The following CHRNA6 variants were observed in gnomAD, a reference collection of about 807,000 sequenced individuals.
The protein encoded by CHRNA6 is cholinergic receptor nicotinic alpha 6 subunit.
A neutral mutation model predicts 40.9 loss-of-function variants in CHRNA6; 31 were observed. The ratio of observed to expected loss-of-function variants is 0.76; its 90% CI spans 0.57 to 1.02. CHRNA6 has a LOEUF of 1.02. Among genes scored for constraint, CHRNA6 ranks in the 50% least tolerant of loss-of-function variants. CHRNA6 has a pLI of 0.00. For synonymous variants in CHRNA6, 222 were observed against 221.3 expected, an observed-to-expected ratio of 1.00 and a Z score of -0.03; for missense variants, 546 against 596.6, an observed-to-expected ratio of 0.92 and a Z score of 0.88.
Position 42,753,134 on chromosome 8 carries a change from C to G in CHRNA6, c.*45G>C. ...TTTCCTTGTGGCAGGGAATGCAGAA[C>G]AAATATGGTGTCTGTAAATTTCTGA... On this transcript the variant is annotated 3_prime_UTR_variant, in exon 6 of 6. Transcript: ENST00000276410. 1.3e-6 allele frequency: 2 copies of G among 1,556,384 alleles called. No individual in the cohort carries two copies. The highest frequency in any genetic ancestry group is 1.7e-6 in the Non-Finnish European group (2 of 1,152,916).
At position 42,755,189 on chromosome 8, in the gene CHRNA6, T is replaced by TC. The variant is rs1816777709; in HGVS notation, c.1353+656_1353+657insG. 2.6e-5 allele frequency among the ~76,000 whole-genome samples: 4 copies of TC among 151,152 alleles called. No individual in the cohort carries two copies. The South Asian group carries it at 8.4e-4, about 32-fold the overall frequency. ...ATGCACCAACACGCCTGCTAATTTT[T>TC]TTTTTTTTTTTGGTAGTTCAGGGTC... On this transcript the variant is annotated intron_variant, in intron 5 of 5. Transcript: ENST00000276410.
At chr8:42,759,387 T>C in intron 2 of CHRNA6, 2 of 384,702 alleles carry the variant, frequency 5.2e-6, no homozygotes, top group Non-Finnish European at 9.8e-6. Flanking sequence ...TTCCGATCTC[T>C]GCAGCCCATA....
rs1817001877 is a variant in CHRNA6, at chr8:42,768,461, A to T, written c.-31T>A. 1 of 1,572,494 alleles carries T rather than the reference A, an allele frequency of 6.4e-7. No individual in the cohort carries two copies. Among genetic ancestry groups the T allele is most frequent in the African/African-American group, 1.3e-5 (1 of 74,108 alleles). On this transcript the variant is annotated 5_prime_UTR_variant, in exon 1 of 6. Transcript: ENST00000276410. ...AAACACACTTGGATTCCTTTTTCCT[A>T]GGCAAAGGATTGTGGAAAACAAAGA...
intron 2 of CHRNA6, among the ~76,000 whole-genome samples, chr8:42,763,623 A>G (rs1209338058): frequency 6.6e-6 from 1 of 152,218 alleles, no homozygotes; most frequent in African/African-American, 2.4e-5. Flanking sequence ...CCCAGTCCAC[A>G]GCAAGAACTT....
chr8:42,767,658 A>C (rs879450258), intron 1 of CHRNA6, among the ~76,000 whole-genome samples: 2 of 152,216 alleles, frequency 1.3e-5, no homozygotes, highest in Admixed American at 6.5e-5. Flanking sequence ...GACAAATTTA[A>C]GGTAAAACAT....
chr8:42,760,136 C>T (rs1816876921), intron 2 of CHRNA6, among the ~76,000 whole-genome samples: 1 of 152,164 alleles, frequency 6.6e-6, no homozygotes, highest in Admixed American at 6.5e-5. Flanking sequence ...TATACTATAA[C>T]ATAAGACAGC....
chr8:42,767,304 A>C (rs775887432), intron 1 of CHRNA6, among the ~76,000 whole-genome samples: 4 of 152,208 alleles, frequency 2.6e-5, no homozygotes, highest in Non-Finnish European at 5.9e-5. Flanking sequence ...TGGTTCTTAA[A>C]TAATAGCACT....
intron 1 of CHRNA6, among the ~76,000 whole-genome samples, chr8:42,765,449 T>C (rs759896921): frequency 1.3e-5 from 2 of 152,186 alleles, no homozygotes; most frequent in Non-Finnish European, 2.9e-5. Flanking sequence ...TAGAGCAGTA[T>C]CAAAGAAAAT....
chr8:42,761,470 C>G (rs1816903395), intron 2 of CHRNA6, among the ~76,000 whole-genome samples: 1 of 152,226 alleles, frequency 6.6e-6, no homozygotes, highest in Non-Finnish European at 1.5e-5. Context: ...CCCTAACTGC[C>G]CTTCAAAGCC....
intron 3 of CHRNA6, among the ~76,000 whole-genome samples, chr8:42,758,064 T>C (rs1047451522): frequency 2.0e-5 from 3 of 151,250 alleles, no homozygotes; most frequent in Non-Finnish European, 4.4e-5. Context: ...AAAAAAAAAG[T>C]AAAAATAATA....
chr8:42,755,609 G>A (rs901260971), intron 5 of CHRNA6, among the ~76,000 whole-genome samples: 1 of 152,132 alleles, frequency 6.6e-6, no homozygotes, highest in Non-Finnish European at 1.5e-5. Flanking sequence ...TTTTACTTGA[G>A]TTCACATTTC....
chr8:42,767,257 G>A (rs1421392584), intron 1 of CHRNA6, among the ~76,000 whole-genome samples: 3 of 152,190 alleles, frequency 2.0e-5, no homozygotes, highest in East Asian at 1.9e-4. Context: ...ATGAGCCACC[G>A]CGCCCTGCCA....
At chr8:42,767,954 T>C (rs1816996268) in intron 1 of CHRNA6, among the ~76,000 whole-genome samples, 1 of 152,182 alleles carries the variant, frequency 6.6e-6, no homozygotes, top group Non-Finnish European at 1.5e-5. Context: ...CAAACATGAT[T>C]ACCTACAAAA....
chr8:42,759,128 T>G lies in CHRNA6; in HGVS notation c.220-15A>C, dbSNP rs200699353. ...TTTACTTCATCCTGGGAAGAAGAAA[T>G]AATACTTTTAGCCTCAAATGTGCTT... On this transcript the variant is annotated splice_polypyrimidine_tract_variant and intron_variant, in intron 2 of 5. Coordinates refer to ENST00000276410, the MANE Select transcript of CHRNA6 (RefSeq NM_004198.3). 4.9e-5 allele frequency: 79 copies of G among 1,609,960 alleles called. No individual in the cohort carries two copies. The highest frequency in any genetic ancestry group is 6.4e-5 in the Non-Finnish European group (75 of 1,176,398).
At chr8:42,757,185 G>C in intron 3 of CHRNA6, 148 bp from the exon 4 acceptor site, 1 of 616,566 alleles carries the variant, frequency 1.6e-6, no homozygotes, top group Admixed American at 2.9e-5. Flanking sequence ...GGCCAGCATA[G>C]TGAAACCCCG....
chr8:42,760,817 G>C (rs565072430), intron 2 of CHRNA6, among the ~76,000 whole-genome samples: 1 of 152,340 alleles, frequency 6.6e-6, no homozygotes, highest in African/African-American at 2.4e-5. Flanking sequence ...CATCCCAAAT[G>C]TAATGAGTTC....
chr8:42,761,567 C>T (rs954803724), intron 2 of CHRNA6, among the ~76,000 whole-genome samples: 7 of 152,240 alleles, frequency 4.6e-5, no homozygotes, highest in African/African-American at 1.4e-4. Flanking sequence ...TCCGCAGGCT[C>T]GGAGAAGCTC....
Position 42,755,921 on chromosome 8 carries a change from C to A in CHRNA6, c.1278G>T (p.Ser426=). 1 of 1,614,204 alleles carries A rather than the reference C, an allele frequency of 6.2e-7. No homozygotes were observed. The highest frequency in any genetic ancestry group is 1.1e-5 in the South Asian group (1 of 91,078). Residue 426 remains serine (S), a synonymous_variant, in exon 5 of 6, where the codon TCG becomes TCT. Transcript: ENST00000276410. The part of the protein sequence containing the change: ...LQWVVENSEH[S]PEVEDVINSV... ...TGTTAATCACATCTTCAACTTCAGGCGAGTGCTCCGAATTTTCCACCACCC... is the reference window on the plus strand; with the variant it reads ...TGTTAATCACATCTTCAACTTCAGGAGAGTGCTCCGAATTTTCCACCACCC...
Position 42,752,902 on chromosome 8 carries a change from C to G in CHRNA6, c.*277G>C, listed in dbSNP as rs1036526629. On this transcript the variant is annotated 3_prime_UTR_variant, in exon 6 of 6. Coordinates refer to ENST00000276410, the MANE Select transcript of CHRNA6 (RefSeq NM_004198.3). ...TGTAAGTCATTCTTGTCTTTAGAAG[C>G]CAAACACACAGACACGAGAAACCTG... 3.6e-6 allele frequency: 1 copy of G among 274,608 alleles called. No homozygotes were observed. The highest frequency in any genetic ancestry group is 6.8e-6 in the Non-Finnish European group (1 of 147,452). The allele number at this position is 274,608 out of a possible 1,614,324, so 17.0% of individuals were successfully genotyped here. A position where few individuals can be genotyped will look rare whatever the true frequency, so the allele number is the denominator to read the frequency against.
Sources: gnomAD v4.1 joint callset for allele counts (sites outside exome capture counted in the v4.1 genomes callset) on GRCh38, gnomAD v4.1.1 for gene constraint, MANE v1.5 for transcripts, NCBI Gene and HGNC (gene_info 2026-07-23, HGNC 2026-07-21) for gene names.